Variants in HPSE2 observed in about 807,000 individuals in gnomAD.
HPSE2 encodes heparanase 2 (inactive).
In HPSE2, 38 loss-of-function variants were observed where a neutral mutation model predicts 60.5. The ratio of observed to expected loss-of-function variants is 0.63; its 90% CI spans 0.48 to 0.82. The LOEUF is 0.82. Ranked by LOEUF, HPSE2 falls within the 40% of genes least tolerant of loss-of-function variation. The probability of loss-of-function intolerance (pLI) is 0.00; values close to 1 mark genes in which losing one functional copy is unlikely to be tolerated. For missense variants in HPSE2, 713 were observed against 740.4 expected (o/e 0.96, Z 0.43); for synonymous variants, 295 against 293.2 (o/e 1.01, Z -0.06).
At chr10:99,248,252 T>C in the HPSE2 span, among the ~76,000 whole-genome samples, 1 of 152,132 alleles carries the variant, frequency 6.6e-6, no homozygotes, top group Admixed American at 6.6e-5. Context: ...AAAATGCTGA[T>C]AGTGATATGG....
chr10:99,267,644 G>T, the HPSE2 span, among the ~76,000 whole-genome samples: 1 of 151,876 alleles, frequency 6.6e-6, no homozygotes, highest in Non-Finnish European at 1.5e-5. Flanking sequence ...TAGCCAGCGT[G>T]GTGGTGGGGC....
intron 6 of HPSE2, among the ~76,000 whole-genome samples, chr10:98,642,825 T>A (rs1159984657): frequency 6.6e-6 from 1 of 152,214 alleles, no homozygotes; most frequent in Non-Finnish European, 1.5e-5. Flanking sequence ...ATGCTTGTGA[T>A]TCCTGGGTGC....
chr10:98,980,036 A>T (rs552495607), intron 3 of HPSE2, among the ~76,000 whole-genome samples: 37 of 152,324 alleles, frequency 2.4e-4, no homozygotes, highest in African/African-American at 8.7e-4. Context: ...AATTATTATT[A>T]AATGTATCTT....
intron 3 of HPSE2, among the ~76,000 whole-genome samples, chr10:99,034,415 C>T (rs1013915623): frequency 3.9e-5 from 6 of 151,982 alleles, no homozygotes; most frequent in African/African-American, 1.4e-4. Flanking sequence ...TGTTCTATAG[C>T]GGGGGTGGAT....
At chr10:98,551,294 G>A (rs1218473342) in intron 9 of HPSE2, among the ~76,000 whole-genome samples, 1 of 152,104 alleles carries the variant, frequency 6.6e-6, no homozygotes, top group Non-Finnish European at 1.5e-5. Context: ...AGATTAGAGA[G>A]GATGCATACT....
At chr10:99,040,012 C>T (rs1380389196) in intron 3 of HPSE2, among the ~76,000 whole-genome samples, 1 of 152,168 alleles carries the variant, frequency 6.6e-6, no homozygotes, top group Admixed American at 6.5e-5. Context: ...GTATAATATT[C>T]ACTCTTCCAT....
rs527890325 is a variant in HPSE2, at chr10:98,530,493, T to C, written c.1321-40297A>G. 3.9e-5 allele frequency among the ~76,000 whole-genome samples: 6 copies of C among 152,348 alleles called. No individual in the cohort carries two copies. The South Asian group carries it at 1.2e-3, about 32-fold the overall frequency. On this transcript the variant is annotated intron_variant, in intron 9 of 11. Coordinates refer to ENST00000370552, the MANE Select transcript of HPSE2 (RefSeq NM_021828.5). Reference sequence around the variant, plus strand: ...GAACTGTTACTTCAATGGGTTAACTTTGACTCTCCTTTATCCATGTACAAG... The same window carrying C: ...GAACTGTTACTTCAATGGGTTAACTCTGACTCTCCTTTATCCATGTACAAG...
intron 2 of HPSE2, among the ~76,000 whole-genome samples, chr10:99,148,883 C>A (rs1846156931): frequency 3.3e-5 from 5 of 151,998 alleles, no homozygotes; most frequent in Admixed American, 2.6e-4. Flanking sequence ...GGGCAAGAGG[C>A]AGGTGAGGAA....
Position 99,013,893 on chromosome 10 carries a change from G to A in HPSE2, c.610+130345C>T, listed in dbSNP as rs572514580. On this transcript the variant is annotated intron_variant, in intron 3 of 11. Transcript: ENST00000370552. ...TCCCTGCACTATCCAGCCCAATAAT[G>A]ATACTTTTGTGCTCCTGGTGATTGA... 1.1e-3 allele frequency: 443 copies of A among 409,116 alleles called. 2 individuals carry two copies. Among genetic ancestry groups the A allele is most frequent in the Non-Finnish European group, 1.6e-3 (319 of 199,970 alleles). 25.3% of individuals were successfully genotyped at this position (409,116 alleles called of 1,614,324 possible).
At chr10:98,545,961 G>A (rs994767054) in intron 9 of HPSE2, among the ~76,000 whole-genome samples, 1 of 147,836 alleles carries the variant, frequency 6.8e-6, no homozygotes, top group Non-Finnish European at 1.5e-5. Flanking sequence ...AAAGTCTCAG[G>A]ATACAAAATC....
chr10:99,035,781 G>C (rs1389778684), intron 3 of HPSE2, among the ~76,000 whole-genome samples: 1 of 152,138 alleles, frequency 6.6e-6, no homozygotes, highest in Non-Finnish European at 1.5e-5. Flanking sequence ...CATATATGTA[G>C]TCCATCATTG....
At chr10:99,003,199 C>G (rs2135378993) in intron 3 of HPSE2, among the ~76,000 whole-genome samples, 1 of 152,150 alleles carries the variant, frequency 6.6e-6, no homozygotes, top group African/African-American at 2.4e-5. Flanking sequence ...TTTTTTAAGG[C>G]TGAATAGTAT....
chr10:99,095,192 GA>G (rs997297995), intron 3 of HPSE2, among the ~76,000 whole-genome samples: 7 of 144,800 alleles, frequency 4.8e-5, no homozygotes, highest in African/African-American at 1.3e-4. Flanking sequence ...TCTTTTGGAA[GA>G]AAAAAAAAAG....
chr10:99,013,761 C>CAGCT, intron 3 of HPSE2: 1 of 245,902 alleles, frequency 4.1e-6, no homozygotes, highest in Non-Finnish European at 8.7e-6. Flanking sequence ...CGTGAGCTAC[C>CAGCT]AGCTGGAAAC....
chr10:99,217,756 C>A (rs1849180628), intron 2 of HPSE2, among the ~76,000 whole-genome samples: 1 of 152,046 alleles, frequency 6.6e-6, no homozygotes, highest in Non-Finnish European at 1.5e-5. Context: ...GCCCAGCTAA[C>A]TTTTTATTTT....
Position 98,532,295 on chromosome 10 carries a change from C to G in HPSE2, c.1321-42099G>C, listed in dbSNP as rs371107921. On this transcript the variant is annotated intron_variant, in intron 9 of 11. Transcript: ENST00000370552. ...AGAAATAGAGAAGGTACATCAGATC[C>G]TACAACACAAAGGGCCAGCACAGAA... Among the ~76,000 whole-genome samples the G allele has an allele frequency of 1.6e-4, 24 of 152,278 alleles. No individual in the cohort carries two copies. The East Asian group carries it at 2.9e-3, about 18-fold the overall frequency.
chr10:98,485,906 G>A (rs1369808294), intron 10 of HPSE2, among the ~76,000 whole-genome samples: 2 of 152,312 alleles, frequency 1.3e-5, no homozygotes, highest in Admixed American at 1.3e-4. Context: ...GGTGGGATGT[G>A]GGGAAGTGGT....
chr10:98,568,352 A>G (rs1433278422), intron 9 of HPSE2, among the ~76,000 whole-genome samples: 1 of 152,152 alleles, frequency 6.6e-6, no homozygotes, highest in Non-Finnish European at 1.5e-5. Flanking sequence ...GGCCATATCT[A>G]CTTCATAGGT....
At chr10:98,662,116 A>G (rs1043481884) in intron 6 of HPSE2, among the ~76,000 whole-genome samples, 1 of 152,134 alleles carries the variant, frequency 6.6e-6, no homozygotes, top group African/African-American at 2.4e-5. Flanking sequence ...GATGGTCTCG[A>G]TCTCCTGACC....
Sources: allele counts gnomAD v4.1 joint callset (sites outside exome capture counted in the v4.1 genomes callset), GRCh38; gene constraint gnomAD v4.1.1; transcripts MANE v1.5; gene names NCBI Gene and HGNC (gene_info 2026-07-23, HGNC 2026-07-21).